Variants in ADORA2B observed in about 807,000 individuals in gnomAD.
The protein encoded by ADORA2B is adenosine receptor A2b.
ADORA2B carries 18 observed loss-of-function variants against 20.8 expected under a neutral mutation model. That is an observed-to-expected ratio of 0.87 (90% CI 0.60 to 1.29). The LOEUF is 1.29. ADORA2B is among the 50% of genes most tolerant of loss of function. The pLI is 0.00. For synonymous variants in ADORA2B, 179 were observed against 178.3 expected (o/e 1.00, Z -0.03); for missense variants, 441 against 422.7 (o/e 1.04, Z -0.38).
chr17:15,886,037 A>C, the ADORA2B span, among the ~76,000 whole-genome samples: 1 of 152,142 alleles, frequency 6.6e-6, no homozygotes, highest in Non-Finnish European at 1.5e-5. Flanking sequence ...TTTGGGTGAA[A>C]CCATATACCA....
chr17:15,968,448 G>A lies in ADORA2B; in HGVS notation c.336-6231G>A, dbSNP rs139475860. ...AGAGCACACTCCGCTTCCTACAGAGGTTGTGCTGAGGGGTCTGGTTATGTC... is the reference window on the plus strand; with the variant it reads ...AGAGCACACTCCGCTTCCTACAGAGATTGTGCTGAGGGGTCTGGTTATGTC... On this transcript the variant is annotated intron_variant, in intron 1 of 1. Transcript: ENST00000304222. Among the ~76,000 whole-genome samples, 424 of 152,294 alleles carry A rather than the reference G, an allele frequency of 2.8e-3. 4 individuals carry two copies. The highest frequency in any genetic ancestry group is 9.6e-3 in the African/African-American group (400 of 41,578).
At chr17:15,861,829 G>A in the ADORA2B span, among the ~76,000 whole-genome samples, 11 of 152,208 alleles carry the variant, frequency 7.2e-5, no homozygotes, top group South Asian at 2.1e-3. Context: ...CTTCATGTTG[G>A]TTAATCTTCT....
the ADORA2B span, among the ~76,000 whole-genome samples, chr17:15,861,979 C>A: frequency 6.6e-6 from 1 of 152,136 alleles, no homozygotes; most frequent in African/African-American, 2.4e-5. Flanking sequence ...CAGCCTCTCC[C>A]TCCACCTGAA....
intron 1 of ADORA2B, among the ~76,000 whole-genome samples, chr17:15,948,003 G>A (rs1389305102): frequency 6.6e-6 from 1 of 152,214 alleles, no homozygotes; most frequent in Non-Finnish European, 1.5e-5. Context: ...TGGGGTTGTG[G>A]AACTCCAGGT....
the ADORA2B span, among the ~76,000 whole-genome samples, chr17:15,892,533 C>T: frequency 2.0e-5 from 3 of 152,152 alleles, no homozygotes; most frequent in East Asian, 1.9e-4. Context: ...CCGACTGACT[C>T]GGTCCCCCAA....
the ADORA2B span, among the ~76,000 whole-genome samples, chr17:15,872,975 G>A: frequency 6.6e-6 from 1 of 152,276 alleles, no homozygotes; most frequent in African/African-American, 2.4e-5. Context: ...TCATTGTCTT[G>A]TTCCTGTTCT....
the ADORA2B span, among the ~76,000 whole-genome samples, chr17:15,924,847 G>A: frequency 0.32 from 48,216 of 151,010 alleles, 9,976 homozygotes; most frequent in African/African-American, 0.59. Context: ...TCTTTCAAAT[G>A]TTTTTTTCTT....
the ADORA2B span, among the ~76,000 whole-genome samples, chr17:15,889,279 C>G: frequency 7.7e-6 from 1 of 129,508 alleles, no homozygotes; most frequent in African/African-American, 3.3e-5. Context: ...GATGAAGAAT[C>G]AAGTTAAATT....
rs1597433732 is a variant in ADORA2B at position 15,975,456 on chromosome 17, CTT to C, written c.*115_*116del. The C allele has an allele frequency of 9.1e-7, 1 of 1,099,452 alleles. No homozygotes were observed. The highest frequency in any genetic ancestry group is 1.3e-6 in the Non-Finnish European group (1 of 770,674). The allele number at this position is 1,099,452 out of a possible 1,614,324, so 68.1% of individuals were successfully genotyped here. A position where few individuals can be genotyped will look rare whatever the true frequency, so the allele number is the denominator to read the frequency against. On this transcript the variant is annotated 3_prime_UTR_variant, in exon 2 of 2. Coordinates refer to ENST00000304222, the MANE Select transcript of ADORA2B (RefSeq NM_000676.4). ...CCTCACAAGGAAATGGACTGCCTCT[CTT>C]GAGCACTTCCCTGGAGCTACCACGT... is the stretch of plus-strand genomic sequence containing the variant.
chr17:15,859,475 G>A, the ADORA2B span, among the ~76,000 whole-genome samples: 5 of 151,602 alleles, frequency 3.3e-5, no homozygotes, highest in East Asian at 3.9e-4. Context: ...GCTGTAGAAG[G>A]ATTGTTTTCT....
intron 1 of ADORA2B, among the ~76,000 whole-genome samples, chr17:15,962,562 G>A (rs1031647563): frequency 3.3e-5 from 5 of 150,924 alleles, no homozygotes; most frequent in Admixed American, 3.3e-4. Flanking sequence ...ACAGAATTAC[G>A]CGCTTGTTGC....
At chr17:15,926,281 G>T in the ADORA2B span, among the ~76,000 whole-genome samples, 3 of 151,912 alleles carry the variant, frequency 2.0e-5, no homozygotes, top group Non-Finnish European at 4.4e-5. Context: ...TCACACTCTG[G>T]CAGGGGACGC....
At chr17:15,899,098 C>T in the ADORA2B span, among the ~76,000 whole-genome samples, 7 of 151,868 alleles carry the variant, frequency 4.6e-5, no homozygotes, top group South Asian at 2.1e-4. Flanking sequence ...AGCATGGTGG[C>T]GCACACCTGT....
rs544432579 is a variant in ADORA2B, at chr17:15,965,915, G to A, written c.336-8764G>A. Among the ~76,000 whole-genome samples the A allele has an allele frequency of 2.9e-3, 439 of 152,298 alleles. 5 individuals carry two copies. The highest frequency in any genetic ancestry group is 9.7e-3 in the African/African-American group (405 of 41,564). On this transcript the variant is annotated intron_variant, in intron 1 of 1. Coordinates refer to ENST00000304222, the MANE Select transcript of ADORA2B (RefSeq NM_000676.4). Reference sequence around the variant, plus strand: ...TTAAAGTTTGCCAGGCTTTCTATTTGACTTTTTTGGTGCAGTTTTAATATC... The same window carrying A: ...TTAAAGTTTGCCAGGCTTTCTATTTAACTTTTTTGGTGCAGTTTTAATATC...
At chr17:15,916,608 A>G in the ADORA2B span, among the ~76,000 whole-genome samples, 6 of 152,212 alleles carry the variant, frequency 3.9e-5, no homozygotes, top group African/African-American at 1.4e-4. Context: ...GTGCTTTTCT[A>G]TACAGTGTCT....
the ADORA2B span, among the ~76,000 whole-genome samples, chr17:15,887,799 A>T: frequency 8.1e-6 from 1 of 123,504 alleles, no homozygotes; most frequent in Non-Finnish European, 1.7e-5. Context: ...AAAATAAAAA[A>T]AATTAGCCAG....
At chr17:15,871,824 C>T in the ADORA2B span, among the ~76,000 whole-genome samples, 1 of 152,134 alleles carries the variant, frequency 6.6e-6, no homozygotes, top group Non-Finnish European at 1.5e-5. Flanking sequence ...TTTCCCTTTG[C>T]GTATATGGCT....
the ADORA2B span, among the ~76,000 whole-genome samples, chr17:15,907,234 C>A: frequency 2.7e-5 from 4 of 150,806 alleles, no homozygotes; most frequent in Non-Finnish European, 4.4e-5. Context: ...TTTAATTGTT[C>A]TAGGTGTACC....
the ADORA2B span, among the ~76,000 whole-genome samples, chr17:15,897,641 A>G: frequency 6.6e-6 from 1 of 152,322 alleles, no homozygotes; most frequent in Admixed American, 6.5e-5. Context: ...GAAATTATCA[A>G]AGGCTACAAT....
Sources: allele counts gnomAD v4.1 joint callset (sites outside exome capture counted in the v4.1 genomes callset), GRCh38; gene constraint gnomAD v4.1.1; transcripts MANE v1.5; gene names NCBI Gene and HGNC (gene_info 2026-07-23, HGNC 2026-07-21).